Variants in ASXL3 observed in about 807,000 individuals in gnomAD.
ASXL3 encodes the protein putative Polycomb group protein ASXL3.
ASXL3 carries 34 observed loss-of-function variants against 170.6 expected under a neutral mutation model. The ratio of observed to expected loss-of-function variants is 0.20; its 90% CI spans 0.15 to 0.27. The LOEUF is 0.27. ASXL3 is among the 10% of genes least tolerant of loss of function. ASXL3 has a pLI of 1.00. For missense variants in ASXL3, 2,592 were observed against 2,695.3 expected (o/e 0.96, Z 0.85); for synonymous variants, 1,002 against 989.1 (o/e 1.01, Z -0.24).
chr18:33,740,474 C>T (rs764962198), intron 11 of ASXL3, 31 bp downstream of exon 11: 86 of 1,480,268 alleles, frequency 5.8e-5, no homozygotes, highest in Middle Eastern at 1.8e-4. Context: ...AAGGCAATTC[C>T]GTAGATAGGC....
chr18:33,728,689 C>T (rs545214187), intron 8 of ASXL3, among the ~76,000 whole-genome samples: 1 of 152,284 alleles, frequency 6.6e-6, no homozygotes, highest in South Asian at 2.1e-4. Context: ...ACTTTACCTT[C>T]TTAATCCTGA....
At chr18:33,643,880 G>A (rs2065880445) in intron 2 of ASXL3, among the ~76,000 whole-genome samples, 1 of 151,804 alleles carries the variant, frequency 6.6e-6, no homozygotes, top group Admixed American at 6.6e-5. Context: ...GCATGTGAGT[G>A]TAGTGGGGTT....
At chr18:33,597,202 C>T (rs931900441) in intron 1 of ASXL3, among the ~76,000 whole-genome samples, 1 of 152,030 alleles carries the variant, frequency 6.6e-6, no homozygotes, top group African/African-American at 2.4e-5. Flanking sequence ...TATGTAGAGT[C>T]TCCAGGATTA....
At chr18:33,649,758 A>T (rs2065968959) in intron 4 of ASXL3, 1 of 152,296 alleles carries the variant, frequency 6.6e-6, no homozygotes, top group African/African-American at 2.4e-5. Context: ...GGATAGTGTG[A>T]AGAAGGAAGT....
intron 5 of ASXL3, among the ~76,000 whole-genome samples, chr18:33,667,010 G>A (rs555776323): frequency 2.0e-5 from 3 of 152,276 alleles, no homozygotes; most frequent in South Asian, 4.1e-4. Context: ...TTAGGTGAGA[G>A]GAGCCCTGTA....
In ASXL3 at chr18:33,595,340, A is replaced by G. The variant is rs900075401; in HGVS notation, c.55-12254A>G. Among the ~76,000 whole-genome samples, 59 of 152,186 alleles carry G rather than the reference A, an allele frequency of 3.9e-4. 1 individual carries two copies. Among genetic ancestry groups the G allele is most frequent in the Non-Finnish European group, 1.3e-4 (9 of 68,030 alleles). ...TTATTAAGAGTTTGCATTGCCAGTGATGAGGTTTTAGAAATTGCTATCTTT... is the reference window on the plus strand; with the variant it reads ...TTATTAAGAGTTTGCATTGCCAGTGGTGAGGTTTTAGAAATTGCTATCTTT... On this transcript the variant is annotated intron_variant, in intron 1 of 11. Coordinates refer to ENST00000269197, the MANE Select transcript of ASXL3 (RefSeq NM_030632.3).
At chr18:33,697,260 T>C (rs182126804) in intron 8 of ASXL3, among the ~76,000 whole-genome samples, 9 of 152,246 alleles carry the variant, frequency 5.9e-5, no homozygotes, top group Non-Finnish European at 1.0e-4. Flanking sequence ...TTTACAAATA[T>C]CAATTGAAAT....
intron 1 of ASXL3, among the ~76,000 whole-genome samples, chr18:33,581,630 T>C (rs1255479335): frequency 6.6e-6 from 1 of 152,172 alleles, no homozygotes; most frequent in Non-Finnish European, 1.5e-5. Context: ...AAGAAGAATC[T>C]TTCTAGTGTA....
rs552419485 is a variant in ASXL3 at position 33,578,458 on chromosome 18, CCCGCCGCCGCCGCCGCCG to C, written c.-150_-133del. The C allele has an allele frequency of 6.5e-4, 61 of 94,226 alleles. No individual in the cohort carries two copies. The highest frequency in any genetic ancestry group is 1.0e-3 in the South Asian group (3 of 2,912). 5.8% of individuals were successfully genotyped at this position (94,226 alleles called of 1,614,324 possible). A position where few individuals can be genotyped will look rare whatever the true frequency, so the allele number is the denominator to read the frequency against. On this transcript the variant is annotated 5_prime_UTR_variant, in exon 1 of 12. Transcript: ENST00000269197. ...CCACCCCCTCGCTCCATCCCTCCCACCCGCCGCCGCCGCCGCCGCCGCCGCCGCCGCCGCCGCCGCCAC... is the reference window on the plus strand; with the variant it reads ...CCACCCCCTCGCTCCATCCCTCCCACCCGCCGCCGCCGCCGCCGCCGCCAC...
chr18:33,693,905 G>A (rs1233209339), intron 8 of ASXL3, among the ~76,000 whole-genome samples: 1 of 152,156 alleles, frequency 6.6e-6, no homozygotes, highest in Admixed American at 6.6e-5. Flanking sequence ...AGGAAGGAAA[G>A]TAAGGTTGGA....
intron 5 of ASXL3, among the ~76,000 whole-genome samples, chr18:33,664,863 T>A (rs767650806): frequency 2.0e-5 from 3 of 152,148 alleles, no homozygotes; most frequent in Non-Finnish European, 4.4e-5. Context: ...AATATTTGAG[T>A]CCCTTTTACT....
intron 1 of ASXL3, chr18:33,605,573 A>C (rs993545906): frequency 6.6e-6 from 1 of 152,174 alleles, no homozygotes; most frequent in Non-Finnish European, 1.5e-5. Context: ...GGACAGGGCT[A>C]TCCAAATTCT....
At chr18:33,691,980 G>A (rs761767527) in intron 8 of ASXL3, among the ~76,000 whole-genome samples, 8 of 152,172 alleles carry the variant, frequency 5.3e-5, no homozygotes, top group Non-Finnish European at 1.2e-4. Context: ...TGAGGGTCAG[G>A]GAGGAAAAAG....
chr18:33,741,070 G>A (rs943017827), intron 11 of ASXL3, among the ~76,000 whole-genome samples: 2 of 152,082 alleles, frequency 1.3e-5, no homozygotes, highest in Admixed American at 6.6e-5. Context: ...AATTATGGTT[G>A]TACTTACTCT....
chr18:33,678,952 A>G (rs566726004), intron 7 of ASXL3, among the ~76,000 whole-genome samples: 1 of 152,320 alleles, frequency 6.6e-6, no homozygotes, highest in East Asian at 1.9e-4. Flanking sequence ...TTGTCATAAA[A>G]GACTGTGTGC....
chr18:33,717,976 C>T (rs1288361497), intron 8 of ASXL3, among the ~76,000 whole-genome samples: 2 of 152,062 alleles, frequency 1.3e-5, no homozygotes, highest in Admixed American at 1.3e-4. Flanking sequence ...TGTCTTCTTT[C>T]TGTATCTCTT....
chr18:33,739,735 G>A lies in ASXL3; in HGVS notation c.2331G>A (p.Glu777=). 6.2e-7 allele frequency: 1 copy of A among 1,613,688 alleles called. No individual in the cohort carries two copies. Among genetic ancestry groups the A allele is most frequent in the East Asian group, 2.2e-5 (1 of 44,860 alleles). The change falls in exon 11 of 12, where the codon GAG becomes GAA. Residue 777 remains glutamate (E), a synonymous_variant. Transcript: ENST00000269197. ...GAAAGTCACCTTCTGTATCTGAAGAGCCACTCTCCCCGCAGAAAGATGAGT... is the reference window on the plus strand; with the variant it reads ...GAAAGTCACCTTCTGTATCTGAAGAACCACTCTCCCCGCAGAAAGATGAGT... ...QQRKSPSVSE[E]PLSPQKDESS...
intron 2 of ASXL3, among the ~76,000 whole-genome samples, chr18:33,635,252 T>A (rs2065747079): frequency 6.6e-6 from 1 of 152,208 alleles, no homozygotes; most frequent in Non-Finnish European, 1.5e-5. Flanking sequence ...AATAGTCAGC[T>A]TGTACAAGTC....
chr18:33,644,868 C>G (rs374330102), intron 2 of ASXL3, 26 bp from the exon 3 acceptor site: 31 of 1,465,462 alleles, frequency 2.1e-5, no homozygotes, highest in Non-Finnish European at 2.8e-5. Flanking sequence ...CAGACTGCTT[C>G]ATTTTTGCAC....
Sources: gnomAD v4.1 joint callset for allele counts (sites outside exome capture counted in the v4.1 genomes callset) on GRCh38, gnomAD v4.1.1 for gene constraint, MANE v1.5 for transcripts, NCBI Gene and HGNC (gene_info 2026-07-23, HGNC 2026-07-21) for gene names.